TLE4: variants seen among roughly 807,000 people sequenced by gnomAD.
TLE4 encodes the protein TLE family member 4, transcriptional corepressor.
A neutral mutation model predicts 92.8 loss-of-function variants in TLE4; 8 were observed. The observed-to-expected ratio is 0.09, with a 90% confidence interval of 0.05 to 0.16. The LOEUF (loss-of-function observed/expected upper bound fraction) is 0.16. Among genes scored for constraint, TLE4 ranks in the 10% least tolerant of loss-of-function variants. The probability of loss-of-function intolerance (pLI) is 1.00; values close to 1 mark genes in which losing one functional copy is unlikely to be tolerated. For synonymous variants in TLE4, 371 were observed against 374.1 expected (o/e 0.99, Z 0.10); for missense variants, 675 against 997.6 (o/e 0.68, Z 4.36).
At chr9:79,622,064 A>G (rs2051154798) in intron 5 of TLE4, among the ~76,000 whole-genome samples, 1 of 152,088 alleles carries the variant, frequency 6.6e-6, no homozygotes, top group Admixed American at 6.5e-5. Context: ...ATAACATCTC[A>G]TTTCCTACCA....
intron 6 of TLE4, among the ~76,000 whole-genome samples, chr9:79,651,157 TG>T (rs1448563182): frequency 6.6e-6 from 1 of 152,112 alleles, no homozygotes; most frequent in African/African-American, 2.4e-5. Context: ...AGGTTAGGCC[TG>T]GAATGTGATT....
chr9:79,636,684 T>C, intron 6 of TLE4, among the ~76,000 whole-genome samples: 1 of 152,156 alleles, frequency 6.6e-6, no homozygotes, highest in East Asian at 1.9e-4. Flanking sequence ...TCTAATTCAT[T>C]CTCTGTCCCA....
intron 6 of TLE4, among the ~76,000 whole-genome samples, chr9:79,646,606 T>A (rs1181951579): frequency 6.6e-6 from 1 of 152,156 alleles, no homozygotes; most frequent in African/African-American, 2.4e-5. Context: ...TGACTAACCC[T>A]TATCAGTTAT....
At chr9:79,690,207 T>A (rs2066760101) in intron 8 of TLE4, among the ~76,000 whole-genome samples, 1 of 152,134 alleles carries the variant, frequency 6.6e-6, no homozygotes, top group South Asian at 2.1e-4. Flanking sequence ...CAGTGCAGAT[T>A]TGGGTCCTAG....
intron 5 of TLE4, among the ~76,000 whole-genome samples, chr9:79,625,563 A>G (rs1041521805): frequency 3.3e-5 from 5 of 151,456 alleles, no homozygotes; most frequent in African/African-American, 4.8e-5. Flanking sequence ...TTTCTATCCT[A>G]CTTTTTTTTT....
chr9:79,587,523 T>G (rs1380317987), intron 4 of TLE4, among the ~76,000 whole-genome samples: 1 of 152,236 alleles, frequency 6.6e-6, no homozygotes, highest in Non-Finnish European at 1.5e-5. Context: ...CTCGGTACTA[T>G]AGGCATGCCA....
At chr9:79,723,668 A>G (rs1316108557) in intron 19 of TLE4, among the ~76,000 whole-genome samples, 2 of 152,078 alleles carry the variant, frequency 1.3e-5, no homozygotes, top group African/African-American at 4.8e-5. Flanking sequence ...TATATTTAGG[A>G]TGTTATTTCC....
At chr9:79,582,478 A>G (rs1587678423) in intron 4 of TLE4, among the ~76,000 whole-genome samples, 2 of 152,268 alleles carry the variant, frequency 1.3e-5, no homozygotes, top group East Asian at 1.9e-4. Flanking sequence ...GCACCAGCCC[A>G]TTGTTCTTCA....
chr9:79,691,085 T>C (rs2066982479), intron 8 of TLE4, among the ~76,000 whole-genome samples: 1 of 152,186 alleles, frequency 6.6e-6, no homozygotes, highest in South Asian at 2.1e-4. Context: ...TATATCCTAA[T>C]GTCTCAGATT....
intron 8 of TLE4, among the ~76,000 whole-genome samples, chr9:79,704,207 G>A (rs969211888): frequency 1.2e-4 from 18 of 152,008 alleles, no homozygotes; most frequent in Admixed American, 9.2e-4. Context: ...TCTGCCTCCC[G>A]GGTTCAAGCA....
intron 8 of TLE4, among the ~76,000 whole-genome samples, chr9:79,691,435 C>G (rs2067060931): frequency 6.6e-6 from 1 of 152,118 alleles, no homozygotes; most frequent in Admixed American, 6.5e-5. Context: ...TTTAAAAATT[C>G]TTACTGTGAT....
At chr9:79,671,594 A>C in intron 8 of TLE4, 1 of 218,418 alleles carries the variant, frequency 4.6e-6, no homozygotes, top group Admixed American at 4.6e-5. Context: ...CTACTCATAC[A>C]CCTAATCCCT....
chr9:79,704,232 G>A (rs183890107), intron 8 of TLE4, among the ~76,000 whole-genome samples: 8 of 152,198 alleles, frequency 5.3e-5, no homozygotes, highest in Non-Finnish European at 1.0e-4. Flanking sequence ...TCCTGCCTCA[G>A]CCTCCTGAGT....
intron 6 of TLE4, among the ~76,000 whole-genome samples, chr9:79,646,729 T>C (rs1227349211): frequency 6.6e-6 from 1 of 152,188 alleles, no homozygotes; most frequent in Non-Finnish European, 1.5e-5. Flanking sequence ...GTATACATTT[T>C]AAAGCCTACT....
At chr9:79,679,446 C>T (rs890784155) in intron 8 of TLE4, among the ~76,000 whole-genome samples, 19 of 152,092 alleles carry the variant, frequency 1.2e-4, no homozygotes, top group African/African-American at 3.1e-4. Flanking sequence ...TCATATCCTT[C>T]GCCCACTTGT....
rs192619372 is a variant in TLE4 at position 79,672,692 on chromosome 9, G to A, written c.609+18617G>A. 1.2e-4 allele frequency among the ~76,000 whole-genome samples: 18 copies of A among 152,240 alleles called. No homozygotes were observed. The East Asian group carries it at 3.5e-3, about 29-fold the overall frequency. On this transcript the variant is annotated intron_variant, in intron 8 of 19. Coordinates refer to ENST00000376552, the MANE Select transcript of TLE4 (RefSeq NM_007005.6). ...TTACTCTTTATCACCTACCTGAGAT[G>A]CCACTTTTGCTTGCTTAGCTCAGGT...
In TLE4 at chr9:79,572,586, C is replaced by A. The variant is rs1371886361; in HGVS notation, c.-205C>A. ...GGGCCAGTGACGCCCGCGGGGAATG[C>A]GGAGCGGCCCGGCAGCCGGCACCCA... On this transcript the variant is annotated 5_prime_UTR_variant, in exon 1 of 20. Transcript: ENST00000376552. 2 of 215,938 alleles carry A rather than the reference C, an allele frequency of 9.3e-6. No homozygotes were observed. Among genetic ancestry groups the A allele is most frequent in the Non-Finnish European group, 1.8e-5 (2 of 109,662 alleles). The allele number at this position is 215,938 out of a possible 1,614,324, so 13.4% of individuals were successfully genotyped here.
chr9:79,625,021 T>TC (rs1286057818), intron 5 of TLE4, among the ~76,000 whole-genome samples: 2 of 128,266 alleles, frequency 1.6e-5, no homozygotes, highest in Admixed American at 7.7e-5. Flanking sequence ...TTTCTTTTTT[T>TC]TTTTTTTTTT....
intron 8 of TLE4, among the ~76,000 whole-genome samples, chr9:79,692,687 T>G (rs1253737965): frequency 6.6e-6 from 1 of 152,104 alleles, no homozygotes; most frequent in Non-Finnish European, 1.5e-5. Flanking sequence ...GCTTGATGAG[T>G]GCCTGATTCA....
Sources: gnomAD v4.1 joint callset for allele counts (sites outside exome capture counted in the v4.1 genomes callset) on GRCh38, gnomAD v4.1.1 for gene constraint, MANE v1.5 for transcripts, NCBI Gene and HGNC (gene_info 2026-07-23, HGNC 2026-07-21) for gene names.